The following ATP5F1B variants were observed in gnomAD, a reference collection of about 807,000 sequenced individuals.
ATP5F1B encodes the protein ATP synthase F(1) complex subunit beta, mitochondrial.
In ATP5F1B, 17 loss-of-function variants were observed where a neutral mutation model predicts 45.9. That is an observed-to-expected ratio of 0.37 (90% CI 0.25 to 0.56). ATP5F1B has a LOEUF of 0.56. Among genes scored for constraint, ATP5F1B ranks in the 20% least tolerant of loss-of-function variants. The pLI is 0.80. For synonymous variants in ATP5F1B, 218 were observed against 256.5 expected, an observed-to-expected ratio of 0.85 and a Z score of 1.43; for missense variants, 387 against 673.2, an observed-to-expected ratio of 0.57 and a Z score of 4.70.
intron 8 of ATP5F1B, 160 bp downstream of exon 8, chr12:56,639,820 C>T: frequency 1.5e-6 from 1 of 664,486 alleles, no homozygotes; most frequent in African/African-American, 1.8e-5. Flanking sequence ...CGTTAAGTAC[C>T]TGGAAACTCA....
At position 56,638,226 on chromosome 12, in the gene ATP5F1B, T is replaced by C. The variant is rs1592643010; in HGVS notation, c.*97A>G. ...AACCTTAAATACTGTTCAGAAAGAA[T>C]ATATCTTCAATCAAGGCTCTTGTGC... is the stretch of plus-strand genomic sequence containing the variant. On this transcript the variant is annotated 3_prime_UTR_variant, in exon 10 of 10. Coordinates refer to ENST00000262030, the MANE Select transcript of ATP5F1B (RefSeq NM_001686.4). The C allele has an allele frequency of 1.0e-6, 1 of 978,764 alleles. No homozygotes were observed. Among genetic ancestry groups the C allele is most frequent in the South Asian group, 1.6e-5 (1 of 63,710 alleles). 60.6% of individuals were successfully genotyped at this position (978,764 alleles called of 1,614,324 possible). A position where few individuals can be genotyped will look rare whatever the true frequency, so the allele number is the denominator to read the frequency against.
Position 56,639,307 on chromosome 12 carries a change from C to A in ATP5F1B, c.1288G>T (p.Asp430Tyr). The A allele has an allele frequency of 1.2e-6, 2 of 1,612,294 alleles. No individual in the cohort carries two copies. Among genetic ancestry groups the A allele is most frequent in the South Asian group, 2.2e-5 (2 of 91,008 alleles). The change falls in exon 9 of 10, where the codon GAC becomes TAC. Residue 430 changes from aspartate (D) to tyrosine (Y), a missense_variant and splice_region_variant. By Grantham distance (160) the Asp-to-Tyr change is radical (BLOSUM62 -3). This residue lies in a region of ATP5F1B where 154 missense variants were observed against 361.4 expected (regional missense o/e 0.43). Coordinates refer to ENST00000262030, the MANE Select transcript of ATP5F1B (RefSeq NM_001686.4). ...VARGVQKILQ[D>Y]YKSLQDIIAI... ...ATGATATCCTGGAGGGATTTGTAGT[C>A]CTATGAGAAAAAAGAAGACTGAGTT...
Sources: gnomAD v4.1 joint callset for allele counts on GRCh38, gnomAD v4.1.1 for gene constraint, gnomAD v4.1.1 regional missense constraint, MANE v1.5 for transcripts, NCBI Gene and HGNC (gene_info 2026-07-23, HGNC 2026-07-21) for gene names.